The following CEP295 variants were observed in gnomAD, a reference collection of about 807,000 sequenced individuals.
The protein encoded by CEP295 is centrosomal protein of 295 kDa.
CEP295 carries 190 observed loss-of-function variants against 291.6 expected under a neutral mutation model. The ratio of observed to expected loss-of-function variants is 0.65; its 90% CI spans 0.58 to 0.73. The LOEUF (loss-of-function observed/expected upper bound fraction) is 0.73. CEP295 is among the 30% of genes least tolerant of loss of function. The pLI, the probability that CEP295 is intolerant of heterozygous loss-of-function variation, is 0.00. For missense variants in CEP295, 2,863 were observed against 2,949.4 expected (o/e 0.97, Z 0.68); for synonymous variants, 993 against 1,038.8 (o/e 0.96, Z 0.85).
rs562338831 is a variant in CEP295 at position 93,729,098 on chromosome 11, A to G, written c.7302+277A>G. Reference sequence around the variant, plus strand: ...TAGTGCCAAGTTGGAAGTTTTACCTAAACTTATTCCCAGATATTGAAAAAT... The same window carrying G: ...TAGTGCCAAGTTGGAAGTTTTACCTGAACTTATTCCCAGATATTGAAAAAT... On this transcript the variant is annotated intron_variant, in intron 25 of 29. Transcript: ENST00000325212. The G allele has an allele frequency of 2.2e-5, 11 of 495,730 alleles. No individual in the cohort carries two copies. The East Asian group carries it at 2.9e-4, about 13-fold the overall frequency. The allele number at this position is 495,730 out of a possible 1,614,324, so 30.7% of individuals were successfully genotyped here.
chr11:93,716,587 T>C (rs1953258877), intron 18 of CEP295, among the ~76,000 whole-genome samples: 1 of 152,142 alleles, frequency 6.6e-6, no homozygotes, highest in African/African-American at 2.4e-5. Flanking sequence ...CCCAGCAGAC[T>C]CAACGTCTAA....
intron 9 of CEP295, among the ~76,000 whole-genome samples, chr11:93,685,527 C>A (rs1430885583): frequency 2.0e-5 from 3 of 152,024 alleles, no homozygotes; most frequent in African/African-American, 7.3e-5. Flanking sequence ...AGGTTACTAC[C>A]AGCAACTGGG....
At chr11:93,667,835 G>T in intron 3 of CEP295, 28 bp downstream of exon 3, 4 of 1,424,322 alleles carry the variant, frequency 2.8e-6, no homozygotes, top group Non-Finnish European at 3.8e-6. Context: ...TGACTACCCT[G>T]TTGTGGCAGT....
intron 12 of CEP295, among the ~76,000 whole-genome samples, chr11:93,694,305 C>A (rs1447516700): frequency 6.6e-6 from 1 of 152,054 alleles, no homozygotes; most frequent in Non-Finnish European, 1.5e-5. Context: ...GTTCCAGGAC[C>A]CCTAGTGGAT....
At chr11:93,693,673 T>A (rs1951706043) in intron 12 of CEP295, among the ~76,000 whole-genome samples, 1 of 152,080 alleles carries the variant, frequency 6.6e-6, no homozygotes, top group Admixed American at 6.5e-5. Flanking sequence ...GGAGAATCGC[T>A]TGAACCCAAG....
chr11:93,727,624 C>G lies in CEP295; in HGVS notation c.7148C>G (p.Ser2383Cys), dbSNP rs1206928464. ...TCTGGATCATTTTCATTACAGAGCT[C>G]TATACCAGTCTGGGTAAGTGAAATC... Reference protein sequence around the residue: ...ASSGSFSLQSSIPVWETETGH... With the variant: ...ASSGSFSLQSCIPVWETETGH... Residue 2383 changes from serine (S) to cysteine (C), a missense_variant, in exon 24 of 30, where the codon TCT becomes TGT. Ser to Cys is a moderately radical substitution (Grantham distance 112). Around this residue, in one of 3 missense-constraint regions of CEP295, gnomAD observed 2,295 missense variants for 2,335.7 expected, o/e 0.98. Transcript: ENST00000325212. 4 of 1,536,690 alleles carry G rather than the reference C, an allele frequency of 2.6e-6. No homozygotes were observed. In the African/African-American group the frequency reaches 4.2e-5, roughly 16 times the overall value.
chr11:93,727,861 A>G (rs1462898997), intron 24 of CEP295: 1 of 433,120 alleles, frequency 2.3e-6, no homozygotes, highest in Non-Finnish European at 4.1e-6. Context: ...GCTTGTTAAT[A>G]TTGCTATCCA....
chr11:93,695,473 G>C, intron 12 of CEP295, 24 bp from the exon 13 acceptor site: 1 of 1,392,108 alleles, frequency 7.2e-7, no homozygotes, highest in South Asian at 1.7e-5. Flanking sequence ...GTTGTTAATA[G>C]ATCAATAGTA....
chr11:93,723,111 T>C lies in CEP295; in HGVS notation c.6018T>C (p.Ile2006=). Residue 2006 remains isoleucine (I), a synonymous_variant, in exon 21 of 30, where the codon ATT becomes ATC. Transcript: ENST00000325212. ...CCAGTAAAGAAGAGGAAACAAATATTATAAGTTCCATAGTTCCTTCAACAC... is the reference window on the plus strand; with the variant it reads ...CCAGTAAAGAAGAGGAAACAAATATCATAAGTTCCATAGTTCCTTCAACAC... ...STTSKEEETN[I]ISSIVPSTQD... 6.4e-7 allele frequency: 1 copy of C among 1,551,580 alleles called. No homozygotes were observed.
Position 93,697,749 on chromosome 11 carries a change from A to G in CEP295, c.2837A>G (p.Gln946Arg), listed in dbSNP as rs761851182. 37 of 1,551,594 alleles carry G rather than the reference A, an allele frequency of 2.4e-5. No homozygotes were observed. The South Asian group carries it at 4.3e-4, about 18-fold the overall frequency. ...RLSLSQPILS[Q>R]QNNFKFLQEQ... ...AGTCTTTCACAGCCTATCCTATCAC[A>G]GCAAAATAATTTTAAATTTCTCCAA... Residue 946 changes from glutamine (Q) to arginine (R), a missense_variant, in exon 15 of 30, where the codon CAG (glutamine) becomes CGG (arginine). Gln to Arg is a conservative substitution (Grantham distance 43). Coordinates refer to ENST00000325212, the MANE Select transcript of CEP295 (RefSeq NM_033395.2).
intron 18 of CEP295, among the ~76,000 whole-genome samples, chr11:93,711,083 AT>A (rs1465531348): frequency 6.6e-6 from 1 of 151,528 alleles, no homozygotes; most frequent in Admixed American, 6.6e-5. Context: ...GCATTATTTT[AT>A]TTGTTTCCCT....
At chr11:93,703,767 CTTTTT>C (rs748490554) in intron 17 of CEP295, among the ~76,000 whole-genome samples, 2 of 127,930 alleles carry the variant, frequency 1.6e-5, no homozygotes, top group Non-Finnish European at 1.7e-5. Flanking sequence ...CCCTGTAATT[CTTTTT>C]TTTTTTTTTT....
At position 93,722,042 on chromosome 11, in the gene CEP295, C is replaced by T. The variant is rs1373781181; in HGVS notation, c.5939C>T (p.Thr1980Ile). 12 of 1,543,018 alleles carry T rather than the reference C, an allele frequency of 7.8e-6. No individual in the cohort carries two copies. Among genetic ancestry groups the T allele is most frequent in the Non-Finnish European group, 9.7e-6 (11 of 1,136,822 alleles). ...LSYENTDLSL[T>I]DPESFSEHMD... ...TATGAAAACACAGATTTGAGCCTTACAGATCCAGGTAATAAGGTCAAAATG... is the reference window on the plus strand; with the variant it reads ...TATGAAAACACAGATTTGAGCCTTATAGATCCAGGTAATAAGGTCAAAATG... The change falls in exon 20 of 30, where the codon ACA becomes ATA. Residue 1980 changes from threonine to isoleucine, a missense_variant. By Grantham distance (89) the Thr-to-Ile change is moderately conservative (BLOSUM62 -1). Around this residue, in one of 3 missense-constraint regions of CEP295, gnomAD observed 2,295 missense variants for 2,335.7 expected, o/e 0.98. Transcript: ENST00000325212.
At chr11:93,709,174 CT>C (rs1405435440) in intron 18 of CEP295, among the ~76,000 whole-genome samples, 1 of 152,090 alleles carries the variant, frequency 6.6e-6, no homozygotes, top group Non-Finnish European at 1.5e-5. Context: ...TCCATTTTTG[CT>C]TTGGTTTCCT....
chr11:93,683,445 G>C (rs1951072140), intron 7 of CEP295, 114 bp from the exon 8 acceptor site: 6 of 691,962 alleles, frequency 8.7e-6, no homozygotes, highest in Middle Eastern at 3.2e-4. Context: ...ACAAATAATA[G>C]AGGAGAGGAG....
chr11:93,708,299 C>T (rs1290294703), intron 18 of CEP295, among the ~76,000 whole-genome samples: 2 of 152,148 alleles, frequency 1.3e-5, no homozygotes, highest in Non-Finnish European at 2.9e-5. Context: ...CCCAACGACC[C>T]CCAACTACGC....
chr11:93,681,526 C>T (rs981436229), intron 7 of CEP295, among the ~76,000 whole-genome samples: 3 of 144,334 alleles, frequency 2.1e-5, no homozygotes, highest in Non-Finnish European at 4.5e-5. Context: ...AATGACTCTC[C>T]TGCCTTGGCC....
Position 93,723,563 on chromosome 11 carries a change from A to T in CEP295, c.6196+274A>T, listed in dbSNP as rs1953916677. 2.0e-5 allele frequency: 5 copies of T among 247,478 alleles called. No homozygotes were observed. In the South Asian group the frequency reaches 3.4e-4, roughly 17 times the overall value. The allele number at this position is 247,478 out of a possible 1,614,324, so 15.3% of individuals were successfully genotyped here. ...ACGGCTGAGGCGGTATTACTGATAA[A>T]TAAGAGCAGGAGCTCAGAAATCATA... On this transcript the variant is annotated intron_variant, in intron 21 of 29. Transcript: ENST00000325212.
intron 5 of CEP295, among the ~76,000 whole-genome samples, chr11:93,674,701 A>G (rs977101161): frequency 6.6e-6 from 1 of 152,254 alleles, no homozygotes; most frequent in African/African-American, 2.4e-5. Context: ...ACTGGGATAT[A>G]ATACAGAAGA....
Sources: gnomAD v4.1 joint callset for allele counts (sites outside exome capture counted in the v4.1 genomes callset) on GRCh38, gnomAD v4.1.1 for gene constraint, gnomAD v4.1.1 regional missense constraint, MANE v1.5 for transcripts, NCBI Gene and HGNC (gene_info 2026-07-23, HGNC 2026-07-21) for gene names.